Variants in FGD2 observed in about 807,000 individuals in gnomAD.
FGD2 encodes FYVE, RhoGEF and PH domain containing 2.
In FGD2, 52 loss-of-function variants were observed where a neutral mutation model predicts 75.9. The ratio of observed to expected loss-of-function variants is 0.69; its 90% CI spans 0.55 to 0.86. The LOEUF (loss-of-function observed/expected upper bound fraction) is 0.86. Among genes scored for constraint, FGD2 ranks in the 40% least tolerant of loss-of-function variants. The pLI, the probability that FGD2 is intolerant of heterozygous loss-of-function variation, is 0.00. For synonymous variants in FGD2, 347 were observed against 348.6 expected, an observed-to-expected ratio of 1.00 and a Z score of 0.05; for missense variants, 790 against 872.0, an observed-to-expected ratio of 0.91 and a Z score of 1.18.
intron 1 of FGD2, 21 bp from the exon 2 acceptor site, chr6:37,008,813 A>G (rs771153196): frequency 6.5e-7 from 1 of 1,535,886 alleles, no homozygotes; most frequent in Non-Finnish European, 8.8e-7. Context: ...GGAAGCCCTC[A>G]GGTCTGTCTC....
Position 37,005,676 on chromosome 6 carries a change from C to A in FGD2, c.-142C>A. Reference sequence around the variant, plus strand: ...CTTCACTCTGAAGCCAAGAGCCGACCTTCTGAGCCCTCAAGAAAGATCAGA... The same window carrying A: ...CTTCACTCTGAAGCCAAGAGCCGACATTCTGAGCCCTCAAGAAAGATCAGA... On this transcript the variant is annotated 5_prime_UTR_variant, in exon 1 of 16. Coordinates refer to ENST00000274963, the MANE Select transcript of FGD2 (RefSeq NM_173558.4). 1.1e-6 allele frequency: 1 copy of A among 874,854 alleles called. No homozygotes were observed. The highest frequency in any genetic ancestry group is 1.8e-6 in the Non-Finnish European group (1 of 550,188). The allele number at this position is 874,854 out of a possible 1,614,324, so 54.2% of individuals were successfully genotyped here.
At position 37,011,299 on chromosome 6, in the gene FGD2, C is replaced by T. The variant is rs189730234; in HGVS notation, c.378+249C>T. 170 of 584,374 alleles carry T rather than the reference C, an allele frequency of 2.9e-4. 1 individual carries two copies. The highest frequency in any genetic ancestry group is 2.8e-3 in the African/African-American group (149 of 53,674). The allele number at this position is 584,374 out of a possible 1,614,324, so 36.2% of individuals were successfully genotyped here. Reference sequence around the variant, plus strand: ...ATAGCAGAGAACACACCAGCTGGCCCTTGCTGGCCTACACGGTATCTTCAT... The same window carrying T: ...ATAGCAGAGAACACACCAGCTGGCCTTTGCTGGCCTACACGGTATCTTCAT... On this transcript the variant is annotated intron_variant, in intron 3 of 15. Coordinates refer to ENST00000274963, the MANE Select transcript of FGD2 (RefSeq NM_173558.4).
At position 37,014,966 on chromosome 6, in the gene FGD2, C is replaced by G; in HGVS notation, c.957C>G (p.Thr319=). The G allele has an allele frequency of 6.2e-7, 1 of 1,614,158 alleles. No homozygotes were observed. The highest frequency in any genetic ancestry group is 8.5e-7 in the Non-Finnish European group (1 of 1,180,014). ...ACGACATAGTAGACCCCTCTAACAC[C>G]CTGCTCCGTGAGGGCCCGGTCCTCA... ...LEDDIVDPSN[T]LLREGPVLKI... The change falls in exon 8 of 16, where the codon ACC becomes ACG. Residue 319 remains threonine (T), a synonymous_variant. Transcript: ENST00000274963.
intron 14 of FGD2, 158 bp downstream of exon 14, chr6:37,026,096 A>T: frequency 1.0e-6 from 1 of 984,972 alleles, no homozygotes; most frequent in African/African-American, 1.8e-5. Flanking sequence ...CACAGACCCC[A>T]GGCCTCTCGC....
Position 37,011,860 on chromosome 6 carries a change from G to C in FGD2, c.527+6G>C. 6.2e-7 allele frequency: 1 copy of C among 1,613,294 alleles called. No homozygotes were observed. The highest frequency in any genetic ancestry group is 8.5e-7 in the Non-Finnish European group (1 of 1,179,636). On this transcript the variant is annotated splice_donor_region_variant and intron_variant, in intron 4 of 15. Transcript: ENST00000274963. The stretch of plus-strand genomic sequence containing the variant: ...CAGCGGCGCCTGGACGACTGGTGAG[G>C]TCCACCAGGAGCCCCTGAGGCCTCA...
intron 1 of FGD2, among the ~76,000 whole-genome samples, chr6:37,007,632 G>T (rs1764816120): frequency 6.6e-6 from 1 of 152,246 alleles, no homozygotes; most frequent in Admixed American, 6.5e-5. Flanking sequence ...AACTGCCTTG[G>T]CCTGGGCTTC....
chr6:37,013,923 T>C, intron 5 of FGD2, 39 bp from the exon 6 acceptor site: 1 of 1,604,212 alleles, frequency 6.2e-7, no homozygotes, highest in Non-Finnish European at 8.5e-7. Context: ...ACCTCCCTTC[T>C]CTCACCCTCT....
At chr6:37,020,483 T>G (rs1033536368) in intron 9 of FGD2, 58 bp from the exon 10 acceptor site, 1 of 1,507,384 alleles carries the variant, frequency 6.6e-7, no homozygotes, top group African/African-American at 1.4e-5. Context: ...TCCACAGTGC[T>G]GTGCCTGGGA....
chr6:37,009,280 C>T (rs753889897), intron 2 of FGD2: 17 of 519,888 alleles, frequency 3.3e-5, no homozygotes, highest in Non-Finnish European at 4.4e-5. Flanking sequence ...TCGCGAGTCC[C>T]TCGTGTAGGA....
At position 37,027,542 on chromosome 6, in the gene FGD2, C is replaced by A. The variant is rs764832577; in HGVS notation, c.1719C>A (p.Asp573Glu). ...PRGWCVIPRD[D>E]PLVLYVYAAP... is the part of the protein sequence containing the mutation. ...GCTGGTGTGTGATCCCTCGGGATGA[C>A]CCCCTCGTGCTCTATGTCTATGCTG... The change falls in exon 15 of 16, where the codon GAC (aspartate) becomes GAA (glutamate). Residue 573 changes from aspartate to glutamate, a missense_variant. Coordinates refer to ENST00000274963, the MANE Select transcript of FGD2 (RefSeq NM_173558.4). The A allele has an allele frequency of 3.1e-6, 5 of 1,613,962 alleles. No homozygotes were observed. The highest frequency in any genetic ancestry group is 3.3e-5 in the Admixed American group (2 of 59,998).
At chr6:37,007,821 G>C (rs1007159710) in intron 1 of FGD2, among the ~76,000 whole-genome samples, 1 of 152,348 alleles carries the variant, frequency 6.6e-6, no homozygotes, top group East Asian at 1.9e-4. Context: ...AGGGACTGGG[G>C]TGCCAGGGAG....
intron 9 of FGD2, among the ~76,000 whole-genome samples, chr6:37,019,861 T>C (rs1348051077): frequency 6.7e-6 from 1 of 150,072 alleles, no homozygotes; most frequent in Non-Finnish European, 1.5e-5. Flanking sequence ...TTTTCTTTTT[T>C]TTTTTTTTTG....
intron 1 of FGD2, among the ~76,000 whole-genome samples, chr6:37,007,383 A>G (rs1764803580): frequency 6.6e-6 from 1 of 152,122 alleles, no homozygotes; most frequent in Non-Finnish European, 1.5e-5. Flanking sequence ...TTCAGCACCA[A>G]AGACAGCTCT....
chr6:37,011,190 T>C, intron 3 of FGD2, 140 bp downstream of exon 3: 4 of 759,786 alleles, frequency 5.3e-6, no homozygotes, highest in South Asian at 3.2e-5. Context: ...CCCTTTAACC[T>C]CAATGGCTGG....
intron 9 of FGD2, among the ~76,000 whole-genome samples, chr6:37,016,177 T>C (rs1040423498): frequency 6.6e-6 from 1 of 152,130 alleles, no homozygotes; most frequent in Non-Finnish European, 1.5e-5. Context: ...GGGCATCTTG[T>C]AAAAATGCAG....
intron 3 of FGD2, 139 bp downstream of exon 3, chr6:37,011,189 C>T: frequency 1.3e-6 from 1 of 768,702 alleles, no homozygotes. Flanking sequence ...GCCCTTTAAC[C>T]TCAATGGCTG....
intron 3 of FGD2, 80 bp from the exon 4 acceptor site, chr6:37,011,626 G>C: frequency 1.3e-6 from 2 of 1,584,750 alleles, no homozygotes; most frequent in Non-Finnish European, 1.7e-6. Context: ...CAGTAGGCTT[G>C]GTGGGACCCT....
rs569865241 is a variant in FGD2 at position 37,008,947 on chromosome 6, T to C, written c.182T>C (p.Val61Ala). Residue 61 changes from valine (V) to alanine (A), a missense_variant, in exon 2 of 16, where the codon GTG becomes GCG. By Grantham distance (64) the Val-to-Ala change is moderately conservative. Coordinates refer to ENST00000274963, the MANE Select transcript of FGD2 (RefSeq NM_173558.4). ...GAGAAGACGAATGTCGGGGAGGCCG[T>C]GGGGTCTGAGCCCAGGACAGTCAGC... is the stretch of plus-strand genomic sequence containing the variant. The part of the protein sequence containing the change: ...PREKTNVGEA[V>A]GSEPRTVSRR... 5.6e-6 allele frequency: 9 copies of C among 1,614,172 alleles called. No individual in the cohort carries two copies. In the South Asian group the frequency reaches 8.8e-5, roughly 16 times the overall value.
Position 37,028,157 on chromosome 6 carries a change from C to T in FGD2, c.1962C>T (p.Ser654=), listed in dbSNP as rs759962949. 1.3e-5 allele frequency: 20 copies of T among 1,578,268 alleles called. No homozygotes were observed. The highest frequency in any genetic ancestry group is 2.7e-5 in the African/African-American group (2 of 74,322). Residue 654 remains serine, a synonymous_variant, in exon 16 of 16, where the codon TCC becomes TCT. Coordinates refer to ENST00000274963, the MANE Select transcript of FGD2 (RefSeq NM_173558.4). The part of the protein sequence containing the change: ...SPSWPNDGDL[S]D Reference sequence around the variant, plus strand: ...GCTGGCCCAACGATGGGGACCTGTCCGACTGAGCCACTGCCAGCCGCTCTC... The same window carrying T: ...GCTGGCCCAACGATGGGGACCTGTCTGACTGAGCCACTGCCAGCCGCTCTC...
Sources: allele counts gnomAD v4.1 joint callset (sites outside exome capture counted in the v4.1 genomes callset), GRCh38; gene constraint gnomAD v4.1.1; transcripts MANE v1.5; gene names NCBI Gene and HGNC (gene_info 2026-07-23, HGNC 2026-07-21).